Variants in FGF14 observed in about 807,000 individuals in gnomAD.
The protein encoded by FGF14 is fibroblast growth factor 14.
FGF14 carries 5 observed loss-of-function variants against 25.5 expected under a neutral mutation model. The ratio of observed to expected loss-of-function variants is 0.20; its 90% confidence interval spans 0.10 to 0.41. The LOEUF is 0.41. Among genes scored for constraint, FGF14 ranks in the 10% least tolerant of loss-of-function variants. The pLI, the probability that FGF14 is intolerant of heterozygous loss-of-function variation, is 1.00. For missense variants in FGF14, 222 were observed against 320.1 expected, an observed-to-expected ratio of 0.69 and a Z score of 2.34; for synonymous variants, 138 against 118.3, an observed-to-expected ratio of 1.17 and a Z score of -1.08.
chr13:101,998,792 T>C (rs1015779730), intron 1 of FGF14, among the ~76,000 whole-genome samples: 5 of 152,208 alleles, frequency 3.3e-5, no homozygotes, highest in Non-Finnish European at 7.3e-5. Context: ...GCTGTGTGGC[T>C]TTGGATCTCT....
intron 3 of FGF14, among the ~76,000 whole-genome samples, chr13:101,802,745 A>C (rs188027173): frequency 9.2e-5 from 14 of 152,340 alleles, no homozygotes; most frequent in Non-Finnish European, 1.6e-4. Context: ...TGTTTGCATG[A>C]TAAGGCATTT....
chr13:101,880,825 C>A (rs1045947805), intron 1 of FGF14, among the ~76,000 whole-genome samples: 1 of 152,124 alleles, frequency 6.6e-6, no homozygotes, highest in Admixed American at 6.5e-5. Flanking sequence ...ATTTATTGAA[C>A]CGAATTCACT....
intron 3 of FGF14, among the ~76,000 whole-genome samples, chr13:101,837,787 G>T (rs753449478): frequency 1.3e-5 from 2 of 151,994 alleles, no homozygotes; most frequent in Non-Finnish European, 2.9e-5. Flanking sequence ...CAACTTGATT[G>T]GATTGAAGGA....
At chr13:101,733,990 C>G (rs2035999723) in intron 3 of FGF14, among the ~76,000 whole-genome samples, 1 of 151,120 alleles carries the variant, frequency 6.6e-6, no homozygotes, top group Non-Finnish European at 1.5e-5. Flanking sequence ...TATATGTGTG[C>G]ATAATTTTTA....
At chr13:102,375,943 T>C (rs1475657292) in intron 1 of FGF14, among the ~76,000 whole-genome samples, 1 of 152,190 alleles carries the variant, frequency 6.6e-6, no homozygotes, top group Non-Finnish European at 1.5e-5. Flanking sequence ...AAACTGTTAA[T>C]TTTGAAGCTG....
intron 1 of FGF14, among the ~76,000 whole-genome samples, chr13:101,978,846 C>G (rs2038083512): frequency 2.0e-5 from 3 of 152,124 alleles, no homozygotes; most frequent in Non-Finnish European, 2.9e-5. Context: ...ATTAATTTCC[C>G]CCAGCTCTGC....
intron 3 of FGF14, among the ~76,000 whole-genome samples, chr13:101,757,589 G>T (rs768900557): frequency 6.6e-6 from 1 of 152,110 alleles, no homozygotes; most frequent in Non-Finnish European, 1.5e-5. Flanking sequence ...TTATGAGATG[G>T]CTACAGAAGA....
At chr13:101,768,871 G>T (rs1000596993) in intron 3 of FGF14, among the ~76,000 whole-genome samples, 4 of 152,016 alleles carry the variant, frequency 2.6e-5, no homozygotes, top group African/African-American at 9.7e-5. Flanking sequence ...ATCCTAGAAG[G>T]TAACCTATGA....
chr13:102,377,281 T>C (rs567912071), intron 1 of FGF14, among the ~76,000 whole-genome samples: 2 of 152,268 alleles, frequency 1.3e-5, no homozygotes, highest in South Asian at 4.1e-4. Context: ...ATGTGCTTTG[T>C]TCATTTATAA....
At chr13:102,182,774 A>G (rs760579559) in intron 1 of FGF14, among the ~76,000 whole-genome samples, 1 of 152,158 alleles carries the variant, frequency 6.6e-6, no homozygotes, top group Non-Finnish European at 1.5e-5. Flanking sequence ...TTCTTGCCCA[A>G]TGGTTTATTG....
chr13:102,125,454 T>C (rs1252840715), intron 1 of FGF14, among the ~76,000 whole-genome samples: 1 of 152,152 alleles, frequency 6.6e-6, no homozygotes, highest in South Asian at 2.1e-4. Context: ...CAAAGAGTAA[T>C]AGACACAACG....
intron 1 of FGF14, among the ~76,000 whole-genome samples, chr13:102,053,647 T>C (rs1316771466): frequency 6.6e-6 from 1 of 152,114 alleles, no homozygotes; most frequent in Non-Finnish European, 1.5e-5. Flanking sequence ...AAGTGTTAGA[T>C]ATTTGCTTAC....
chr13:101,875,121 AG>A, intron 2 of FGF14, 64 bp downstream of exon 2: 1 of 1,072,732 alleles, frequency 9.3e-7, no homozygotes, highest in Non-Finnish European at 1.5e-6. Flanking sequence ...AATCTTAAAA[AG>A]TCATTTAAGT....
At chr13:102,139,766 AAGC>A (rs2046562170) in intron 1 of FGF14, among the ~76,000 whole-genome samples, 3 of 151,832 alleles carry the variant, frequency 2.0e-5, no homozygotes, top group East Asian at 2.0e-4. Context: ...CTATCCCAAG[AAGC>A]TTTCAGCAGC....
intron 1 of FGF14, among the ~76,000 whole-genome samples, chr13:102,280,140 T>C (rs1282643316): frequency 6.6e-6 from 1 of 152,218 alleles, no homozygotes; most frequent in African/African-American, 2.4e-5. Context: ...TCAGTTCAAA[T>C]AACAGTACCT....
At chr13:102,119,992 C>T (rs1054743011) in intron 1 of FGF14, among the ~76,000 whole-genome samples, 3 of 152,146 alleles carry the variant, frequency 2.0e-5, no homozygotes, top group Non-Finnish European at 2.9e-5. Flanking sequence ...TCATGCCCCA[C>T]CATCCTGCCA....
In FGF14 at chr13:101,800,900, C is replaced by A. The variant is rs1418656767; in HGVS notation, c.408+67825G>T. Among the ~76,000 whole-genome samples, 3 of 152,058 alleles carry A rather than the reference C, an allele frequency of 2.0e-5. No individual in the cohort carries two copies. In the South Asian group the frequency reaches 6.2e-4, roughly 32 times the overall value. On this transcript the variant is annotated intron_variant, in intron 3 of 4. Transcript: ENST00000376143. Reference sequence around the variant, plus strand: ...ATAGGTGATCGTCCAGATTTCAGGCCATCCTGAACCTTCATATCATTATGC... The same window carrying A: ...ATAGGTGATCGTCCAGATTTCAGGCAATCCTGAACCTTCATATCATTATGC...
At chr13:102,244,427 G>C (rs925380634) in intron 1 of FGF14, among the ~76,000 whole-genome samples, 1 of 150,190 alleles carries the variant, frequency 6.7e-6, no homozygotes, top group African/African-American at 2.5e-5. Context: ...AATTGCATGA[G>C]CTAATAAATA....
intron 1 of FGF14, among the ~76,000 whole-genome samples, chr13:101,876,825 C>A (rs2045423202): frequency 6.6e-6 from 1 of 152,152 alleles, no homozygotes; most frequent in Admixed American, 6.5e-5. Context: ...GTGCCTAAGT[C>A]TGCCCATCAC....
Sources: allele counts gnomAD v4.1 joint callset (sites outside exome capture counted in the v4.1 genomes callset), GRCh38; gene constraint gnomAD v4.1.1; transcripts MANE v1.5; gene names NCBI Gene and HGNC (gene_info 2026-07-23, HGNC 2026-07-21).